The following PLCL1 variants were observed in gnomAD, a reference collection of about 807,000 sequenced individuals.
The protein encoded by PLCL1 is inactive phospholipase C-like protein 1.
In PLCL1, 41 loss-of-function variants were observed where a neutral mutation model predicts 84.4. That is an observed-to-expected ratio of 0.49 (90% CI 0.38 to 0.63). PLCL1 has a LOEUF of 0.63. PLCL1 is among the 30% of genes least tolerant of loss of function. The pLI, the probability that PLCL1 is intolerant of heterozygous loss-of-function variation, is 0.00. For missense variants in PLCL1, 1,206 were observed against 1,367.8 expected, an observed-to-expected ratio of 0.88 and a Z score of 1.87; for synonymous variants, 490 against 488.3, an observed-to-expected ratio of 1.00 and a Z score of -0.05.
At chr2:197,858,687 C>G in intron 1 of PLCL1, among the ~76,000 whole-genome samples, 1 of 152,154 alleles carries the variant, frequency 6.6e-6, no homozygotes, top group East Asian at 1.9e-4. Context: ...ATGTAAAGCA[C>G]TTTATCAGTT....
At position 198,084,054 on chromosome 2, in the gene PLCL1, C is replaced by T. The variant is rs374298581; in HGVS notation, c.537C>T (p.Gly179=). ...GKNTETFRNN[G]LADQICEDCA... ...ACACGGAAACATTTAGAAACAATGG[C>T]CTTGCTGACCAGATCTGTGAGGACT... is the stretch of plus-strand genomic sequence containing the variant. The change falls in exon 2 of 6, where the codon GGC becomes GGT. Residue 179 remains glycine (G), a synonymous_variant. Coordinates refer to ENST00000428675, the MANE Select transcript of PLCL1 (RefSeq NM_006226.4). 3 of 1,614,022 alleles carry T rather than the reference C, an allele frequency of 1.9e-6. No individual in the cohort carries two copies. The Admixed American group carries it at 5.0e-5, about 27-fold the overall frequency.
At chr2:197,835,201 C>A (rs1352937511) in intron 1 of PLCL1, among the ~76,000 whole-genome samples, 1 of 152,030 alleles carries the variant, frequency 6.6e-6, no homozygotes, top group African/African-American at 2.4e-5. Flanking sequence ...ATGTAGATGA[C>A]GGGTTGATGG....
intron 1 of PLCL1, among the ~76,000 whole-genome samples, chr2:197,980,241 T>A (rs917449950): frequency 1.3e-5 from 2 of 152,138 alleles, no homozygotes; most frequent in African/African-American, 4.8e-5. Flanking sequence ...CAGTTTAACT[T>A]TGAGGTGACT....
At chr2:198,116,403 G>A (rs1396670541) in intron 5 of PLCL1, among the ~76,000 whole-genome samples, 1 of 151,528 alleles carries the variant, frequency 6.6e-6, no homozygotes, top group Non-Finnish European at 1.5e-5. Context: ...TAGTATTTGT[G>A]GTAAGTGAAG....
chr2:198,126,726 G>A (rs1179090590), intron 5 of PLCL1, among the ~76,000 whole-genome samples: 1 of 152,108 alleles, frequency 6.6e-6, no homozygotes, highest in East Asian at 1.9e-4. Flanking sequence ...GTAACCTGGT[G>A]AGACCCCAGC....
At chr2:198,141,643 G>A (rs1031524834) in intron 5 of PLCL1, among the ~76,000 whole-genome samples, 2 of 152,152 alleles carry the variant, frequency 1.3e-5, no homozygotes, top group African/African-American at 4.8e-5. Context: ...TTAGTAAGAT[G>A]GCAGTTGTGC....
intron 1 of PLCL1, among the ~76,000 whole-genome samples, chr2:198,044,002 C>T (rs1310296023): frequency 6.6e-6 from 1 of 151,454 alleles, no homozygotes; most frequent in East Asian, 1.9e-4. Flanking sequence ...TCTTTCCTCC[C>T]AGTTTTCACT....
chr2:198,008,222 A>G (rs998372496), intron 1 of PLCL1, among the ~76,000 whole-genome samples: 1 of 152,150 alleles, frequency 6.6e-6, no homozygotes, highest in East Asian at 1.9e-4. Flanking sequence ...TAAAAAGCAC[A>G]TAACATTAAA....
At chr2:198,057,374 A>G (rs35035575) in intron 1 of PLCL1, among the ~76,000 whole-genome samples, 3,731 of 152,088 alleles carry the variant, frequency 0.025, 81 homozygotes, top group Non-Finnish European at 0.036. Context: ...TAGGGAGGAT[A>G]CTAACCTTTT....
At position 198,146,778 on chromosome 2, in the gene PLCL1, A is replaced by G. The variant is rs762301572; in HGVS notation, c.3106-2A>G. ...TTGATGCCTGTTTTTTTCTGTTTGT[A>G]GGGCCAAGGAGATCTGTTGAAGAAT... On this transcript the variant is annotated splice_acceptor_variant, in intron 5 of 5. Coordinates refer to ENST00000428675, the MANE Select transcript of PLCL1 (RefSeq NM_006226.4). LOFTEE classifies it high-confidence loss of function. 11 of 1,607,548 alleles carry G rather than the reference A, an allele frequency of 6.8e-6. No individual in the cohort carries two copies. The highest frequency in any genetic ancestry group is 2.5e-6 in the Non-Finnish European group (3 of 1,176,752).
rs934031880 is a variant in PLCL1 at position 197,855,769 on chromosome 2, G to GC, written c.240+50433dup. On this transcript the variant is annotated intron_variant, in intron 1 of 5. Coordinates refer to ENST00000428675, the MANE Select transcript of PLCL1 (RefSeq NM_006226.4). ...TTTGTGCCTAGCCTTCTTTAACGGG[G>GC]CCCATCCTGCTTCACCTGAATCCTG... 7.4e-4 allele frequency among the ~76,000 whole-genome samples: 112 copies of GC among 152,070 alleles called. 1 individual carries two copies. The highest frequency in any genetic ancestry group is 2.7e-3 in the African/African-American group (110 of 41,474).
At chr2:198,102,726 C>A (rs1291585184) in intron 4 of PLCL1, among the ~76,000 whole-genome samples, 1 of 152,042 alleles carries the variant, frequency 6.6e-6, no homozygotes, top group African/African-American at 2.4e-5. Context: ...TACCCAATAT[C>A]TTTCTTCAAA....
At chr2:197,991,563 T>C (rs1189423409) in intron 1 of PLCL1, among the ~76,000 whole-genome samples, 1 of 152,190 alleles carries the variant, frequency 6.6e-6, no homozygotes, top group Non-Finnish European at 1.5e-5. Flanking sequence ...GTGCTCCTAC[T>C]TATTATTGTT....
intron 1 of PLCL1, among the ~76,000 whole-genome samples, chr2:197,865,002 A>C (rs1318257707): frequency 6.6e-6 from 1 of 152,222 alleles, no homozygotes; most frequent in Non-Finnish European, 1.5e-5. Flanking sequence ...TTTTGAGCCC[A>C]CTGCATAGAG....
chr2:198,055,294 C>CCTCTCTCTCTCTCTCTCTCT (rs772260935), intron 1 of PLCL1, among the ~76,000 whole-genome samples: 4 of 120,256 alleles, frequency 3.3e-5, no homozygotes, highest in African/African-American at 1.4e-4. Flanking sequence ...CTGGTCAAAG[C>CCTCTCTCTCTCTCTCTCTCT]CTCTCTCTCT....
intron 5 of PLCL1, among the ~76,000 whole-genome samples, chr2:198,112,425 A>G (rs1693644935): frequency 6.6e-6 from 1 of 151,856 alleles, no homozygotes; most frequent in African/African-American, 2.4e-5. Context: ...TAGTCTGGAC[A>G]TTGCTAGCTG....
intron 1 of PLCL1, among the ~76,000 whole-genome samples, chr2:197,855,112 A>G (rs1687305522): frequency 6.6e-6 from 1 of 152,168 alleles, no homozygotes; most frequent in Non-Finnish European, 1.5e-5. Flanking sequence ...GGATTTCCTC[A>G]TTTAGTTTAA....
At chr2:197,918,943 T>A (rs1169995768) in intron 1 of PLCL1, among the ~76,000 whole-genome samples, 1 of 129,394 alleles carries the variant, frequency 7.7e-6, no homozygotes, top group Non-Finnish European at 1.7e-5. Flanking sequence ...CCTGTCTCTC[T>A]CTCTCTCTCT....
chr2:198,057,049 T>A (rs1055542060), intron 1 of PLCL1, among the ~76,000 whole-genome samples: 1 of 152,176 alleles, frequency 6.6e-6, no homozygotes, highest in East Asian at 1.9e-4. Flanking sequence ...TCAGGGAGCT[T>A]TGCATTTCAT....
Sources: gnomAD v4.1 joint callset for allele counts (sites outside exome capture counted in the v4.1 genomes callset) on GRCh38, gnomAD v4.1.1 for gene constraint, MANE v1.5 for transcripts, NCBI Gene and HGNC (gene_info 2026-07-23, HGNC 2026-07-21) for gene names.